The following CUX2 variants were observed in gnomAD, a reference collection of about 807,000 sequenced individuals.
CUX2 encodes the protein homeobox protein cut-like 2.
A neutral mutation model predicts 144.8 loss-of-function variants in CUX2; 40 were observed. The ratio of observed to expected loss-of-function variants is 0.28; its 90% CI spans 0.21 to 0.36. The LOEUF (loss-of-function observed/expected upper bound fraction) is 0.36. CUX2 is among the 10% of genes least tolerant of loss of function. CUX2 has a pLI of 1.00. For synonymous variants in CUX2, 827 were observed against 875.6 expected (o/e 0.94, Z 0.98); for missense variants, 1,615 against 1,994.0 (o/e 0.81, Z 3.62).
chr12:111,290,619 G>C (rs1189270085), intron 4 of CUX2, among the ~76,000 whole-genome samples: 2 of 151,966 alleles, frequency 1.3e-5, no homozygotes. Context: ...GTAGCAACGG[G>C]GTTTCACCAT....
At chr12:111,156,729 G>A (rs758830096) in intron 1 of CUX2, among the ~76,000 whole-genome samples, 2 of 152,116 alleles carry the variant, frequency 1.3e-5, no homozygotes, top group South Asian at 2.1e-4. Flanking sequence ...TGTAATCCCA[G>A]CACTTTGGGA....
intron 1 of CUX2, among the ~76,000 whole-genome samples, chr12:111,169,844 G>A (rs76117172): frequency 0.011 from 1,670 of 152,246 alleles, 27 homozygotes; most frequent in African/African-American, 0.038. Flanking sequence ...ACACAGAGAC[G>A]TGGTTCTGCT....
In CUX2 at chr12:111,348,594, A is replaced by G. The variant is rs896245090; in HGVS notation, c.*269A>G. 1.0e-5 allele frequency: 4 copies of G among 392,872 alleles called. No individual in the cohort carries two copies. The highest frequency in any genetic ancestry group is 1.8e-5 in the Non-Finnish European group (4 of 220,654). The allele number at this position is 392,872 out of a possible 1,614,324, so 24.3% of individuals were successfully genotyped here. A position where few individuals can be genotyped will look rare whatever the true frequency, so the allele number is the denominator to read the frequency against. ...GGAGGCAGAAGCAAAATGGCACCAC[A>G]TATTCACCTGAAAACTCCAAACTCT... On this transcript the variant is annotated 3_prime_UTR_variant, in exon 22 of 22. Coordinates refer to ENST00000261726, the MANE Select transcript of CUX2 (RefSeq NM_015267.4).
At chr12:111,094,499 C>T (rs1271159846) in intron 1 of CUX2, among the ~76,000 whole-genome samples, 1 of 152,224 alleles carries the variant, frequency 6.6e-6, no homozygotes, top group African/African-American at 2.4e-5. Flanking sequence ...CTTTTGGCAG[C>T]ATCCACCTTT....
In CUX2 at chr12:111,349,738, A is replaced by G. The variant is rs1888976123; in HGVS notation, c.*1413A>G. 6.6e-6 allele frequency: 1 copy of G among 152,162 alleles called. No homozygotes were observed. Among genetic ancestry groups the G allele is most frequent in the Non-Finnish European group, 1.5e-5 (1 of 68,016 alleles). 9.4% of individuals were successfully genotyped at this position (152,162 alleles called of 1,614,324 possible). A position where few individuals can be genotyped will look rare whatever the true frequency, so the allele number is the denominator to read the frequency against. ...GGATAGAACGGCCACCATATTGGTT[A>G]CTGAATCTCTCTCCCTTGTTTTTAT... On this transcript the variant is annotated 3_prime_UTR_variant, in exon 22 of 22. Transcript: ENST00000261726.
chr12:111,260,542 C>G (rs1233991547), intron 3 of CUX2, among the ~76,000 whole-genome samples: 1 of 152,168 alleles, frequency 6.6e-6, no homozygotes, highest in Non-Finnish European at 1.5e-5. Context: ...TTTACACTTA[C>G]AACCCATCTC....
intron 21 of CUX2, among the ~76,000 whole-genome samples, chr12:111,345,431 T>C (rs1275299694): frequency 2.9e-5 from 2 of 67,922 alleles, no homozygotes; most frequent in East Asian, 4.8e-4. Flanking sequence ...GGCAACAAAG[T>C]GAGACTCCAT....
intron 6 of CUX2, among the ~76,000 whole-genome samples, chr12:111,294,824 G>C (rs548348856): frequency 6.6e-6 from 1 of 152,130 alleles, no homozygotes; most frequent in South Asian, 2.1e-4. Context: ...CTTGAACCTG[G>C]GAGGCGGAGG....
chr12:111,338,580 C>T, intron 20 of CUX2, 106 bp downstream of exon 20: 3 of 1,078,794 alleles, frequency 2.8e-6, no homozygotes, highest in East Asian at 2.4e-5. Flanking sequence ...GGTCCAGTCT[C>T]AGCCTACTAT....
At chr12:111,052,642 T>C (rs1032904008) in intron 1 of CUX2, among the ~76,000 whole-genome samples, 1 of 152,182 alleles carries the variant, frequency 6.6e-6, no homozygotes, top group African/African-American at 2.4e-5. Flanking sequence ...TTTTTCTGAG[T>C]ATGTCTCTGA....
intron 1 of CUX2, among the ~76,000 whole-genome samples, chr12:111,203,635 C>G (rs987970791): frequency 6.6e-6 from 1 of 151,898 alleles, no homozygotes; most frequent in African/African-American, 2.4e-5. Flanking sequence ...GGAAGTGAAG[C>G]CCAACACGAA....
chr12:111,199,846 T>C (rs1880470831), intron 1 of CUX2, among the ~76,000 whole-genome samples: 1 of 152,108 alleles, frequency 6.6e-6, no homozygotes, highest in African/African-American at 2.4e-5. Flanking sequence ...TATGTGTCTG[T>C]GTGTGCATTT....
At chr12:111,335,824 C>T (rs375989242) in intron 19 of CUX2, among the ~76,000 whole-genome samples, 2 of 151,754 alleles carry the variant, frequency 1.3e-5, no homozygotes, top group South Asian at 2.1e-4. Flanking sequence ...GAGGCCTGCA[C>T]GAGCCCAGGA....
chr12:111,316,203 G>A (rs966233419), intron 16 of CUX2, among the ~76,000 whole-genome samples: 6 of 150,026 alleles, frequency 4.0e-5, no homozygotes, highest in African/African-American at 9.9e-5. Flanking sequence ...GTGCAGTGGC[G>A]CAATCTCGGC....
chr12:111,261,246 G>C lies in CUX2; in HGVS notation c.223-2515G>C, dbSNP rs544564120. 2.6e-5 allele frequency among the ~76,000 whole-genome samples: 4 copies of C among 152,338 alleles called. No individual in the cohort carries two copies. The East Asian group carries it at 5.8e-4, about 22-fold the overall frequency. On this transcript the variant is annotated intron_variant, in intron 3 of 21. Coordinates refer to ENST00000261726, the MANE Select transcript of CUX2 (RefSeq NM_015267.4). Reference sequence around the variant, plus strand: ...TGAGCCTCCGTTTTCTAATCTGTATGATGGGGCAGGTGGCAGCAGCCATTC... The same window carrying C: ...TGAGCCTCCGTTTTCTAATCTGTATCATGGGGCAGGTGGCAGCAGCCATTC...
intron 1 of CUX2, among the ~76,000 whole-genome samples, chr12:111,191,512 G>T (rs1488089069): frequency 1.3e-5 from 2 of 152,014 alleles, no homozygotes; most frequent in Non-Finnish European, 2.9e-5. Flanking sequence ...TGTATTTTTA[G>T]CAGAGACGGG....
chr12:111,240,574 G>C (rs1358781509), intron 3 of CUX2, among the ~76,000 whole-genome samples: 1 of 152,146 alleles, frequency 6.6e-6, no homozygotes, highest in African/African-American at 2.4e-5. Flanking sequence ...ACAATGCCTC[G>C]GTGCAAAAAT....
chr12:111,346,486 A>G (rs570984825), intron 21 of CUX2, among the ~76,000 whole-genome samples: 33 of 151,846 alleles, frequency 2.2e-4, no homozygotes, highest in Admixed American at 1.0e-3. Context: ...AAAAAAAAAA[A>G]AAAAGAAAAG....
At chr12:111,342,488 A>G (rs1447469877) in intron 21 of CUX2, among the ~76,000 whole-genome samples, 1 of 151,920 alleles carries the variant, frequency 6.6e-6, no homozygotes, top group Non-Finnish European at 1.5e-5. Flanking sequence ...AAAAAAAAAA[A>G]AATTTAAAAC....
Sources: gnomAD v4.1 joint callset for allele counts (sites outside exome capture counted in the v4.1 genomes callset) on GRCh38, gnomAD v4.1.1 for gene constraint, MANE v1.5 for transcripts, NCBI Gene and HGNC (gene_info 2026-07-23, HGNC 2026-07-21) for gene names.